Variants in SLC31A1 observed in about 807,000 individuals in gnomAD.
SLC31A1 encodes the protein high affinity copper uptake protein 1.
A neutral mutation model predicts 17.2 loss-of-function variants in SLC31A1; 5 were observed. The observed-to-expected ratio is 0.29, with a 90% CI of 0.15 to 0.61. The LOEUF is 0.61. Ranked by LOEUF, SLC31A1 falls within the 20% of genes least tolerant of loss-of-function variation. The pLI, the probability that SLC31A1 is intolerant of heterozygous loss-of-function variation, is 0.86. For missense variants in SLC31A1, 161 were observed against 241.4 expected (o/e 0.67, Z 2.21); for synonymous variants, 76 against 78.8 (o/e 0.96, Z 0.19).
intron 2 of SLC31A1, 132 bp downstream of exon 2, chr9:113,256,409 A>G: frequency 1.0e-6 from 1 of 990,608 alleles, no homozygotes. Context: ...AAGCAGACCC[A>G]AGCAAGTCAA....
chr9:113,238,131 G>A (rs1324727621), intron 1 of SLC31A1, among the ~76,000 whole-genome samples: 1 of 152,154 alleles, frequency 6.6e-6, no homozygotes, highest in Non-Finnish European at 1.5e-5. Flanking sequence ...GTTTCCATGA[G>A]TTTCAGATGA....
chr9:113,250,717 T>G (rs1317575451), intron 1 of SLC31A1, among the ~76,000 whole-genome samples: 5 of 151,390 alleles, frequency 3.3e-5, no homozygotes, highest in Admixed American at 2.0e-4. Flanking sequence ...ATCCTAAGGG[T>G]TTTTTTATTG....
At chr9:113,234,873 TG>T (rs2118990056) in intron 1 of SLC31A1, among the ~76,000 whole-genome samples, 1 of 152,350 alleles carries the variant, frequency 6.6e-6, no homozygotes, top group Admixed American at 6.5e-5. Context: ...CATACTGTTG[TG>T]AGATTTTTAT....
At chr9:113,247,471 C>T (rs1831594197) in intron 1 of SLC31A1, among the ~76,000 whole-genome samples, 2 of 152,064 alleles carry the variant, frequency 1.3e-5, no homozygotes, top group African/African-American at 2.4e-5. Flanking sequence ...CTTATTGTAC[C>T]ATAGAAATAA....
chr9:113,234,508 T>TTTA (rs1554720278), intron 1 of SLC31A1, among the ~76,000 whole-genome samples: 14 of 138,280 alleles, frequency 1.0e-4, no homozygotes, highest in African/African-American at 3.4e-4. Flanking sequence ...TTTTTTTTTT[T>TTTA]AGCTCTCACT....
At chr9:113,237,904 A>G (rs925386721) in intron 1 of SLC31A1, among the ~76,000 whole-genome samples, 4 of 152,240 alleles carry the variant, frequency 2.6e-5, no homozygotes, top group Admixed American at 2.0e-4. Context: ...TAGACTGCAT[A>G]TAGCCTTTAC....
chr9:113,252,677 C>G (rs1054405353), intron 1 of SLC31A1, among the ~76,000 whole-genome samples: 7 of 152,144 alleles, frequency 4.6e-5, no homozygotes, highest in Non-Finnish European at 8.8e-5. Context: ...TAGCTTTTAG[C>G]CTTAAAGCTC....
intron 1 of SLC31A1, among the ~76,000 whole-genome samples, chr9:113,230,500 C>T (rs1831390891): frequency 6.6e-6 from 1 of 152,154 alleles, no homozygotes; most frequent in Non-Finnish European, 1.5e-5. Context: ...CTCAAGAGAT[C>T]CTTCCACCTC....
chr9:113,240,526 G>A (rs1831509968), intron 1 of SLC31A1, among the ~76,000 whole-genome samples: 2 of 152,200 alleles, frequency 1.3e-5, no homozygotes, highest in South Asian at 2.1e-4. Flanking sequence ...AAAAAAGGGA[G>A]ATTTCTTAGG....
chr9:113,227,964 C>T (rs1162944993), intron 1 of SLC31A1, among the ~76,000 whole-genome samples: 1 of 152,204 alleles, frequency 6.6e-6, no homozygotes, highest in African/African-American at 2.4e-5. Flanking sequence ...TTAATTTTGT[C>T]ATCTAATGAG....
intron 1 of SLC31A1, among the ~76,000 whole-genome samples, chr9:113,230,286 C>T (rs1355418295): frequency 2.6e-5 from 4 of 152,176 alleles, no homozygotes; most frequent in Admixed American, 6.5e-5. Flanking sequence ...TGCGGTGGCG[C>T]GATCTCAGCT....
In SLC31A1 at chr9:113,258,877, G is replaced by T. The variant is rs1443570496; in HGVS notation, c.371+15G>T. On this transcript the variant is annotated intron_variant, in intron 4 of 4. Transcript: ENST00000374212. The surrounding 1 kb of genome is among the most constrained non-coding windows in gnomAD (Gnocchi z 4.8). Reference sequence around the variant, plus strand: ...AAAACTGTTGGGTAAGAACTGAACAGATCCAGATGAAGTCCTAAAGAACTC... The same window carrying T: ...AAAACTGTTGGGTAAGAACTGAACATATCCAGATGAAGTCCTAAAGAACTC... 2 of 1,613,748 alleles carry T rather than the reference G, an allele frequency of 1.2e-6. No homozygotes were observed. Among genetic ancestry groups the T allele is most frequent in the Non-Finnish European group, 1.7e-6 (2 of 1,179,610 alleles).
chr9:113,260,188 T>C, intron 4 of SLC31A1, 84 bp from the exon 5 acceptor site: 1 of 1,187,442 alleles, frequency 8.4e-7, no homozygotes, highest in South Asian at 1.2e-5. Context: ...CCAGCTGAGC[T>C]CATGGCAAGA....
chr9:113,238,913 G>A (rs1427565030), intron 1 of SLC31A1, among the ~76,000 whole-genome samples: 1 of 152,158 alleles, frequency 6.6e-6, no homozygotes, highest in Non-Finnish European at 1.5e-5. Flanking sequence ...TTAAACACTT[G>A]CTGTGTGTCT....
At chr9:113,229,322 C>A (rs989876579) in intron 1 of SLC31A1, among the ~76,000 whole-genome samples, 2 of 152,330 alleles carry the variant, frequency 1.3e-5, no homozygotes, top group African/African-American at 4.8e-5. Context: ...TTGTTTCCCC[C>A]CAACTCCCCT....
chr9:113,245,856 A>C (rs1053791278), intron 1 of SLC31A1, among the ~76,000 whole-genome samples: 2 of 151,258 alleles, frequency 1.3e-5, no homozygotes, highest in African/African-American at 4.9e-5. Flanking sequence ...CGGGTCTGAA[A>C]CTCCTGGGCT....
At position 113,229,844 on chromosome 9, in the gene SLC31A1, G is replaced by A. The variant is rs187102021; in HGVS notation, c.-36+8166G>A. ...AGTCTTAAGTAAGAGCCAAGAATAG[G>A]TAATCTCTCCAAAATTATGTTGAAT... On this transcript the variant is annotated intron_variant, in intron 1 of 4. Transcript: ENST00000374212. Among the ~76,000 whole-genome samples the A allele has an allele frequency of 2.3e-3, 353 of 152,262 alleles. 11 individuals are homozygous for A. The South Asian group carries it at 0.059, about 26-fold the overall frequency.
chr9:113,260,199 ACTC>A (rs1292611874), intron 4 of SLC31A1, 70 bp from the exon 5 acceptor site: 1 of 1,320,018 alleles, frequency 7.6e-7, no homozygotes, highest in Middle Eastern at 1.8e-4. Flanking sequence ...CATGGCAAGA[ACTC>A]TTCCCTCTTT....
chr9:113,234,621 T>C (rs1831436602), intron 1 of SLC31A1, among the ~76,000 whole-genome samples: 1 of 151,566 alleles, frequency 6.6e-6, no homozygotes, highest in Non-Finnish European at 1.5e-5. Context: ...ATAAGAATTG[T>C]CCATGGAACT....
Sources: allele counts gnomAD v4.1 joint callset (sites outside exome capture counted in the v4.1 genomes callset), GRCh38; gene constraint gnomAD v4.1.1; non-coding constraint Gnocchi (gnomAD v3.1); transcripts MANE v1.5; gene names NCBI Gene and HGNC (gene_info 2026-07-23, HGNC 2026-07-21).